The following VEZT variants were observed in gnomAD, a reference collection of about 807,000 sequenced individuals.
VEZT encodes vezatin.
VEZT carries 39 observed loss-of-function variants against 79.9 expected under a neutral mutation model. That is an observed-to-expected ratio of 0.49 (90% CI 0.38 to 0.64). VEZT has a LOEUF of 0.64. VEZT is among the 30% of genes least tolerant of loss of function. VEZT has a pLI of 0.00. For missense variants in VEZT, 837 were observed against 893.1 expected, an observed-to-expected ratio of 0.94 and a Z score of 0.80; for synonymous variants, 325 against 327.6, an observed-to-expected ratio of 0.99 and a Z score of 0.09.
intron 1 of VEZT, chr12:95,224,192 G>A (rs2058063227): frequency 2.2e-6 from 1 of 455,936 alleles, no homozygotes; most frequent in Non-Finnish European, 4.4e-6. Flanking sequence ...TCGGCCAGTG[G>A]GAAGGACCTG....
intron 1 of VEZT, among the ~76,000 whole-genome samples, chr12:95,241,676 G>C (rs1475991071): frequency 6.6e-6 from 1 of 152,200 alleles, no homozygotes; most frequent in Non-Finnish European, 1.5e-5. Flanking sequence ...GAGTTGTGCA[G>C]TGATGATTTA....
chr12:95,232,495 T>TG (rs1207502587), intron 1 of VEZT, among the ~76,000 whole-genome samples: 1 of 152,200 alleles, frequency 6.6e-6, no homozygotes, highest in Non-Finnish European at 1.5e-5. Flanking sequence ...TTCATATAGG[T>TG]GGGAAGTCTG....
intron 1 of VEZT, among the ~76,000 whole-genome samples, chr12:95,234,476 T>C (rs1377618288): frequency 8.6e-5 from 13 of 151,844 alleles, no homozygotes. Context: ...ATTTTTTTAG[T>C]AGAGGCAGGG....
At chr12:95,265,036 T>C (rs1010388032) in intron 4 of VEZT, among the ~76,000 whole-genome samples, 1 of 151,916 alleles carries the variant, frequency 6.6e-6, no homozygotes, top group African/African-American at 2.4e-5. Flanking sequence ...AATTTTTAAA[T>C]TTTTTGTAGA....
At chr12:95,232,747 G>A (rs929089766) in intron 1 of VEZT, among the ~76,000 whole-genome samples, 3 of 152,124 alleles carry the variant, frequency 2.0e-5, no homozygotes, top group Admixed American at 1.3e-4. Flanking sequence ...ATGTATAATA[G>A]TTGAAGTAGA....
At chr12:95,230,575 T>C (rs11107944) in intron 1 of VEZT, among the ~76,000 whole-genome samples, 148 of 10,916 alleles carry the variant, frequency 0.014, no homozygotes, top group African/African-American at 0.11. Flanking sequence ...TTATCTCTCC[T>C]TTTTTTTTTT....
At chr12:95,223,890 T>C (rs889273203) in intron 1 of VEZT, among the ~76,000 whole-genome samples, 1 of 152,206 alleles carries the variant, frequency 6.6e-6, no homozygotes, top group African/African-American at 2.4e-5. Context: ...ATTTTTGTTC[T>C]GTTTTTTTTA....
At position 95,252,014 on chromosome 12, in the gene VEZT, A is replaced by G. The variant is rs1278153426; in HGVS notation, c.111A>G (p.Lys37=). ...AAATATGTTCTTCTTTGTCACCAAA[A>G]ACAGAAAAATGCACAACAGAGGGAC... The part of the protein sequence containing the change: ...DFEICSSLSP[K]TEKCTTEGQQ... Residue 37 remains lysine (K), a synonymous_variant, in exon 2 of 12, where the codon AAA becomes AAG. Transcript: ENST00000436874. 6.2e-7 allele frequency: 1 copy of G among 1,612,752 alleles called. No individual in the cohort carries two copies.
chr12:95,297,123 A>G (rs1354393539), intron 11 of VEZT, among the ~76,000 whole-genome samples: 1 of 152,222 alleles, frequency 6.6e-6, no homozygotes, highest in East Asian at 1.9e-4. Flanking sequence ...CTGGTAATAC[A>G]AAAGCCTTAC....
chr12:95,282,266 T>A, intron 7 of VEZT, 47 bp from the exon 8 acceptor site: 4 of 1,437,928 alleles, frequency 2.8e-6, no homozygotes, highest in Non-Finnish European at 3.7e-6. Context: ...TTTTGAACAC[T>A]GACCAATATT....
At chr12:95,259,738 G>T (rs1043440017) in intron 3 of VEZT, among the ~76,000 whole-genome samples, 5 of 152,172 alleles carry the variant, frequency 3.3e-5, no homozygotes, top group Non-Finnish European at 7.3e-5. Context: ...ATTTGTTTGA[G>T]ACCTGGATCT....
chr12:95,268,891 A>T (rs1439552881), intron 5 of VEZT, among the ~76,000 whole-genome samples: 2 of 152,232 alleles, frequency 1.3e-5, no homozygotes, highest in African/African-American at 4.8e-5. Context: ...AGTGCCATAT[A>T]TTGAAATCAT....
chr12:95,255,010 T>A (rs929398312), intron 2 of VEZT, among the ~76,000 whole-genome samples: 1 of 152,156 alleles, frequency 6.6e-6, no homozygotes, highest in African/African-American at 2.4e-5. Flanking sequence ...ATATCTTCTC[T>A]GGGGATCTCA....
intron 8 of VEZT, among the ~76,000 whole-genome samples, chr12:95,283,815 A>G (rs910053165): frequency 5.8e-4 from 88 of 152,208 alleles, no homozygotes; most frequent in Non-Finnish European, 2.9e-5. Flanking sequence ...CTGTTCTAAG[A>G]AAGCAGGTAA....
rs779506718 is a variant in VEZT, at chr12:95,287,916, A to G, written c.1522+59A>G. 330 of 1,426,084 alleles carry G rather than the reference A, an allele frequency of 2.3e-4. 1 individual carries two copies. The Middle Eastern group carries it at 4.8e-3, about 21-fold the overall frequency. 88.3% of individuals were successfully genotyped at this position (1,426,084 alleles called of 1,614,324 possible). ...TCAGACATGCTTATTCCACTCTGGT[A>G]GGATTTTATTAGGTAGACTTCTTGT... is the stretch of plus-strand genomic sequence containing the variant. On this transcript the variant is annotated intron_variant, in intron 9 of 11. Transcript: ENST00000436874.
chr12:95,252,513 C>CT (rs1566098494), intron 2 of VEZT: 1 of 152,016 alleles, frequency 6.6e-6, no homozygotes, highest in East Asian at 1.9e-4. Flanking sequence ...CTTCTGGTGA[C>CT]TTTTTTATCT....
intron 1 of VEZT, among the ~76,000 whole-genome samples, chr12:95,221,481 C>T (rs138055333): frequency 0.066 from 10,082 of 151,856 alleles, 443 homozygotes; most frequent in Middle Eastern, 0.12. Context: ...ATGAGAATCG[C>T]TTGAACCCAG....
At chr12:95,228,756 C>T (rs1194388929) in intron 1 of VEZT, among the ~76,000 whole-genome samples, 1 of 152,146 alleles carries the variant, frequency 6.6e-6, no homozygotes, top group Non-Finnish European at 1.5e-5. Context: ...GTAATCCCAA[C>T]AATTTAGGAG....
chr12:95,296,745 G>T (rs545466472), intron 11 of VEZT: 1 of 152,558 alleles, frequency 6.6e-6, no homozygotes, highest in African/African-American at 2.4e-5. Flanking sequence ...TTCAAGACCA[G>T]CCTGGCCAAC....
Sources: allele counts gnomAD v4.1 joint callset (sites outside exome capture counted in the v4.1 genomes callset), GRCh38; gene constraint gnomAD v4.1.1; transcripts MANE v1.5; gene names NCBI Gene and HGNC (gene_info 2026-07-23, HGNC 2026-07-21).